ATP2B2: variants seen among roughly 807,000 people sequenced by gnomAD.
The protein encoded by ATP2B2 is ATPase plasma membrane Ca2+ transporting 2, also known as plasma membrane calcium-transporting ATPase 2.
A neutral mutation model predicts 120.0 loss-of-function variants in ATP2B2; 15 were observed. The observed-to-expected ratio is 0.12, with a 90% CI of 0.08 to 0.19. The LOEUF (loss-of-function observed/expected upper bound fraction) is 0.19, where lower values mean the gene tolerates loss of function less well. Ranked by LOEUF, ATP2B2 falls within the 10% of genes least tolerant of loss-of-function variation. ATP2B2 has a pLI of 1.00. For synonymous variants in ATP2B2, 694 were observed against 700.3 expected (o/e 0.99, Z 0.14); for missense variants, 1,045 against 1,719.8 (o/e 0.61, Z 6.94).
chr3:10,652,756 C>G (rs2070500051), intron 1 of ATP2B2, among the ~76,000 whole-genome samples: 1 of 152,292 alleles, frequency 6.6e-6, no homozygotes, highest in South Asian at 2.1e-4. Flanking sequence ...TATACACACA[C>G]AGTTGAATAT....
At chr3:10,472,286 T>A (rs930605427) in intron 1 of ATP2B2, among the ~76,000 whole-genome samples, 31 of 151,984 alleles carry the variant, frequency 2.0e-4, no homozygotes, top group Non-Finnish European at 4.0e-4. Flanking sequence ...TGGTCTTTGG[T>A]CAAGGCACTG....
intron 2 of ATP2B2, among the ~76,000 whole-genome samples, chr3:10,433,754 C>T (rs34856): frequency 0.94 from 142,997 of 152,300 alleles, 67,179 homozygotes; most frequent in East Asian, 1. Context: ...TTCCTAGGCA[C>T]CCAGCACGTC....
chr3:10,562,465 T>G (rs1451992972), intron 2 of ATP2B2, among the ~76,000 whole-genome samples: 1 of 152,176 alleles, frequency 6.6e-6, no homozygotes, highest in East Asian at 1.9e-4. Context: ...CACTAGTCTA[T>G]GGGTCTTCTC....
At chr3:10,694,431 G>A (rs532221086) in intron 1 of ATP2B2, among the ~76,000 whole-genome samples, 10 of 152,250 alleles carry the variant, frequency 6.6e-5, no homozygotes, top group East Asian at 1.9e-4. Flanking sequence ...TAACTTTTTA[G>A]GACTGGCATT....
rs1341346050 is a variant in ATP2B2 at position 10,683,728 on chromosome 3, G to A, written c.-460+24187C>T. Among the ~76,000 whole-genome samples the A allele has an allele frequency of 9.4e-4, 121 of 128,540 alleles. 4 individuals carry two copies. The highest frequency in any genetic ancestry group is 3.3e-3 in the African/African-American group (114 of 34,854). The allele number at this position is 128,540 out of a possible 152,430, so 84.3% of individuals were successfully genotyped here. On this transcript the variant is annotated intron_variant, in intron 1 of 21. Transcript: ENST00000646379. ...TATATATGTATATACATGTGTGTGTGTATATATATGTGTATATATATGTGT... is the reference window on the plus strand; with the variant it reads ...TATATATGTATATACATGTGTGTGTATATATATATGTGTATATATATGTGT...
At chr3:10,378,021 C>T (rs1423023403) in intron 10 of ATP2B2, among the ~76,000 whole-genome samples, 1 of 152,250 alleles carries the variant, frequency 6.6e-6, no homozygotes, top group African/African-American at 2.4e-5. Flanking sequence ...CCGTCTGCTA[C>T]CAGAGCCTTG....
chr3:10,550,463 T>C (rs4355264), intron 2 of ATP2B2, among the ~76,000 whole-genome samples: 76,848 of 151,976 alleles, frequency 0.51, 19,555 homozygotes, highest in South Asian at 0.6. Flanking sequence ...CCTAATATTA[T>C]AGACCAGTTT....
chr3:10,517,637 C>T (rs1011849940), intron 3 of ATP2B2, among the ~76,000 whole-genome samples: 2 of 152,200 alleles, frequency 1.3e-5, no homozygotes, highest in Admixed American at 6.5e-5. Flanking sequence ...CTAAGAAAGC[C>T]TTGAGGTGGA....
chr3:10,357,502 TC>T (rs1199214426), intron 14 of ATP2B2, among the ~76,000 whole-genome samples: 1 of 152,130 alleles, frequency 6.6e-6, no homozygotes, highest in African/African-American at 2.4e-5. Context: ...TTGGAGGTCA[TC>T]TTGTCTATCC....
At chr3:10,659,047 G>A (rs552040198) in intron 1 of ATP2B2, among the ~76,000 whole-genome samples, 13 of 152,278 alleles carry the variant, frequency 8.5e-5, no homozygotes, top group Admixed American at 2.6e-4. Flanking sequence ...CAAATGCTGA[G>A]AGATTTTGTC....
At chr3:10,600,479 G>A (rs1434723025) in intron 2 of ATP2B2, among the ~76,000 whole-genome samples, 2 of 152,210 alleles carry the variant, frequency 1.3e-5, no homozygotes, top group Admixed American at 6.5e-5. Context: ...CTCAGCCCTA[G>A]CAGCTGCATA....
chr3:10,705,640 T>C (rs2071884891), intron 1 of ATP2B2, among the ~76,000 whole-genome samples: 2 of 152,250 alleles, frequency 1.3e-5, no homozygotes, highest in African/African-American at 4.8e-5. Context: ...TGGTCCCAGC[T>C]CTACTACTAA....
At chr3:10,512,464 G>GCGCACGCA (rs749056818) in intron 3 of ATP2B2, among the ~76,000 whole-genome samples, 1 of 136,926 alleles carries the variant, frequency 7.3e-6, no homozygotes, top group African/African-American at 2.9e-5. Context: ...AAGTGTGTGC[G>GCGCACGCA]CACACACACA....
chr3:10,375,669 G>A lies in ATP2B2; in HGVS notation c.1202-25C>T. ...CCTGCAATGTGAGGGACACATGCTT[G>A]GGGGGTTCCAGGAAGTGGAGGCTGG... On this transcript the variant is annotated intron_variant, in intron 10 of 22. Transcript: ENST00000360273. This position sits in a 1 kb window ranked among gnomAD's most constrained non-coding sequence, Gnocchi z 4.2. 1 of 1,606,716 alleles carries A rather than the reference G, an allele frequency of 6.2e-7. No homozygotes were observed. Among genetic ancestry groups the A allele is most frequent in the South Asian group, 1.1e-5 (1 of 90,782 alleles).
intron 3 of ATP2B2, among the ~76,000 whole-genome samples, chr3:10,519,911 C>G (rs1048413431): frequency 1.3e-5 from 2 of 152,170 alleles, no homozygotes; most frequent in South Asian, 2.1e-4. Flanking sequence ...GGACTGGGAT[C>G]GAATGCAGGG....
At chr3:10,451,361 T>C (rs1445680461) in intron 1 of ATP2B2, among the ~76,000 whole-genome samples, 1 of 151,144 alleles carries the variant, frequency 6.6e-6, no homozygotes, top group Non-Finnish European at 1.5e-5. Flanking sequence ...TGTGGGACCC[T>C]GGGCAAGTTC....
intron 1 of ATP2B2, among the ~76,000 whole-genome samples, chr3:10,660,376 G>GCAAT (rs1355124216): frequency 6.6e-6 from 1 of 152,018 alleles, no homozygotes; most frequent in African/African-American, 2.4e-5. Flanking sequence ...AGAAAAGAGA[G>GCAAT]AAGAATCAAA....
intron 1 of ATP2B2, among the ~76,000 whole-genome samples, chr3:10,650,317 CT>C (rs2070424012): frequency 6.6e-6 from 1 of 152,168 alleles, no homozygotes; most frequent in Non-Finnish European, 1.5e-5. Flanking sequence ...CATTTTGCCC[CT>C]GCCCTAGAGA....
At chr3:10,355,025 G>A (rs1009112795) in intron 14 of ATP2B2, among the ~76,000 whole-genome samples, 1 of 152,142 alleles carries the variant, frequency 6.6e-6, no homozygotes, top group Non-Finnish European at 1.5e-5. Context: ...GGGGATAGTG[G>A]TTACCTCTGA....
Sources: allele counts gnomAD v4.1 joint callset (sites outside exome capture counted in the v4.1 genomes callset), GRCh38; gene constraint gnomAD v4.1.1; non-coding constraint Gnocchi (gnomAD v3.1); transcripts MANE v1.5; gene names NCBI Gene and HGNC (gene_info 2026-07-23, HGNC 2026-07-21).